Variants in CHSY3 observed in about 807,000 individuals in gnomAD.
CHSY3 encodes the protein N-acetylgalactosaminyl-proteoglycan 3-beta-glucuronosyltransferase 3.
CHSY3 carries 35 observed loss-of-function variants against 67.2 expected under a neutral mutation model. The observed-to-expected ratio is 0.52, with a 90% CI of 0.40 to 0.69. The LOEUF (loss-of-function observed/expected upper bound fraction) is 0.69, where lower values mean the gene tolerates loss of function less well. CHSY3 is among the 30% of genes least tolerant of loss of function. The probability of loss-of-function intolerance (pLI) is 0.00; values close to 1 mark genes in which losing one functional copy is unlikely to be tolerated. For missense variants in CHSY3, 1,069 were observed against 1,138.5 expected, an observed-to-expected ratio of 0.94 and a Z score of 0.88; for synonymous variants, 474 against 434.7, an observed-to-expected ratio of 1.09 and a Z score of -1.12.
chr5:129,931,136 A>G (rs141557955), intron 2 of CHSY3, among the ~76,000 whole-genome samples: 120 of 152,222 alleles, frequency 7.9e-4, no homozygotes, highest in African/African-American at 2.7e-3. Flanking sequence ...ATAATTTAAA[A>G]CATGTATATT....
chr5:130,090,998 G>T (rs1766858295), intron 2 of CHSY3, among the ~76,000 whole-genome samples: 1 of 151,942 alleles, frequency 6.6e-6, no homozygotes, highest in African/African-American at 2.4e-5. Flanking sequence ...TCAAATCTGT[G>T]TTTTTTTATA....
intron 2 of CHSY3, among the ~76,000 whole-genome samples, chr5:129,953,589 CCCA>C (rs1302880501): frequency 3.9e-5 from 6 of 152,110 alleles, no homozygotes; most frequent in African/African-American, 1.2e-4. Flanking sequence ...AATTTACACT[CCCA>C]CCAACAGTGT....
intron 2 of CHSY3, among the ~76,000 whole-genome samples, chr5:129,969,113 A>G (rs556081656): frequency 6.6e-6 from 1 of 151,882 alleles, no homozygotes; most frequent in Non-Finnish European, 1.5e-5. Flanking sequence ...TTCAAAAGAA[A>G]TATCTGTGGG....
At chr5:129,908,663 T>C (rs934277303) in intron 2 of CHSY3, among the ~76,000 whole-genome samples, 4 of 152,182 alleles carry the variant, frequency 2.6e-5, no homozygotes, top group Non-Finnish European at 5.9e-5. Context: ...TGTGAATCTA[T>C]TTCCCTTTTC....
intron 2 of CHSY3, among the ~76,000 whole-genome samples, chr5:130,121,364 T>C (rs1377437444): frequency 6.6e-6 from 1 of 152,234 alleles, no homozygotes; most frequent in Non-Finnish European, 1.5e-5. Context: ...AGAAATCCAT[T>C]TTTCTAATGT....
chr5:130,089,059 C>T (rs923849756), intron 2 of CHSY3, among the ~76,000 whole-genome samples: 1 of 151,978 alleles, frequency 6.6e-6, no homozygotes, highest in African/African-American at 2.4e-5. Context: ...ATGATGAGCT[C>T]ATGTCCTTTG....
chr5:130,151,712 A>G (rs1769236587), intron 2 of CHSY3, among the ~76,000 whole-genome samples: 2 of 152,060 alleles, frequency 1.3e-5, no homozygotes. Flanking sequence ...GCCCCTTATA[A>G]AACTACCAGA....
At chr5:130,096,516 A>G (rs891153884) in intron 2 of CHSY3, among the ~76,000 whole-genome samples, 1 of 152,190 alleles carries the variant, frequency 6.6e-6, no homozygotes, top group Non-Finnish European at 1.5e-5. Context: ...TAAATCTTCC[A>G]TGGTTATGTA....
At chr5:129,956,700 C>T (rs1362251750) in intron 2 of CHSY3, among the ~76,000 whole-genome samples, 1 of 152,010 alleles carries the variant, frequency 6.6e-6, no homozygotes, top group Non-Finnish European at 1.5e-5. Flanking sequence ...GTTATCCCAG[C>T]ACCATTTATT....
chr5:130,056,072 A>G (rs1377576314), intron 2 of CHSY3, among the ~76,000 whole-genome samples: 1 of 152,150 alleles, frequency 6.6e-6, no homozygotes, highest in Non-Finnish European at 1.5e-5. Context: ...TGCTGTATCT[A>G]AGAATTGAAG....
intron 2 of CHSY3, among the ~76,000 whole-genome samples, chr5:130,040,364 G>A (rs1329197750): frequency 1.3e-5 from 2 of 152,090 alleles, no homozygotes; most frequent in Non-Finnish European, 2.9e-5. Context: ...CAGGCTTGCA[G>A]AATACCAGTT....
Position 130,185,321 on chromosome 5 carries a change from T to G in CHSY3, c.2179T>G (p.Phe727Val). The G allele has an allele frequency of 6.2e-7, 1 of 1,611,262 alleles. No individual in the cohort carries two copies. Among genetic ancestry groups the G allele is most frequent in the Non-Finnish European group, 8.5e-7 (1 of 1,177,404 alleles). The change falls in exon 3 of 3, where the codon TTT becomes GTT. Residue 727 changes from phenylalanine to valine, a missense_variant. Phe to Val is a conservative substitution (Grantham distance 50). Around this residue, in one of 5 missense-constraint regions of CHSY3, gnomAD observed 401 missense variants for 395.2 expected, o/e 1.01. Coordinates refer to ENST00000305031, the MANE Select transcript of CHSY3 (RefSeq NM_175856.5). ...CDVDLIFRED[F>V]LQRCRDNTIQ... is the part of the protein sequence containing the mutation. ...TGTTGACTTGATCTTCAGAGAAGATTTTCTCCAACGATGTAGAGACAATAC... is the reference window on the plus strand; with the variant it reads ...TGTTGACTTGATCTTCAGAGAAGATGTTCTCCAACGATGTAGAGACAATAC...
chr5:129,923,909 T>C (rs1761007040), intron 2 of CHSY3, among the ~76,000 whole-genome samples: 2 of 152,208 alleles, frequency 1.3e-5, no homozygotes, highest in African/African-American at 4.8e-5. Flanking sequence ...ACAAATCCAT[T>C]GTGAGTATTA....
intron 2 of CHSY3, among the ~76,000 whole-genome samples, chr5:130,129,157 T>C (rs1050664751): frequency 6.6e-6 from 1 of 152,294 alleles, no homozygotes; most frequent in South Asian, 2.1e-4. Flanking sequence ...TGTTGTATTA[T>C]TCTCCATTAC....
intron 2 of CHSY3, among the ~76,000 whole-genome samples, chr5:129,943,488 A>C (rs1761757416): frequency 6.6e-6 from 1 of 152,242 alleles, no homozygotes; most frequent in African/African-American, 2.4e-5. Flanking sequence ...ATATGTGTAG[A>C]TAAAACTATA....
At chr5:130,159,926 C>T (rs1769481048) in intron 2 of CHSY3, among the ~76,000 whole-genome samples, 1 of 152,078 alleles carries the variant, frequency 6.6e-6, no homozygotes, top group Non-Finnish European at 1.5e-5. Flanking sequence ...AACTAAAAAT[C>T]CCTAATAGTA....
chr5:129,971,221 G>A (rs1762632192), intron 2 of CHSY3, among the ~76,000 whole-genome samples: 1 of 151,660 alleles, frequency 6.6e-6, no homozygotes, highest in Admixed American at 6.6e-5. Flanking sequence ...TGTAGGGAGT[G>A]TACATTTTAC....
chr5:129,940,159 A>G (rs1761653591), intron 2 of CHSY3, among the ~76,000 whole-genome samples: 2 of 152,126 alleles, frequency 1.3e-5, no homozygotes, highest in South Asian at 4.1e-4. Context: ...TACACCATGC[A>G]GTGTCTCTAC....
intron 2 of CHSY3, among the ~76,000 whole-genome samples, chr5:129,926,814 T>G (rs1184002433): frequency 2.6e-5 from 4 of 151,942 alleles, no homozygotes; most frequent in Non-Finnish European, 5.9e-5. Flanking sequence ...TGATAAATAC[T>G]CTTGTTGGTA....
Sources: allele counts gnomAD v4.1 joint callset (sites outside exome capture counted in the v4.1 genomes callset), GRCh38; gene constraint gnomAD v4.1.1; regional missense constraint gnomAD v4.1.1; transcripts MANE v1.5; gene names NCBI Gene and HGNC (gene_info 2026-07-23, HGNC 2026-07-21).